NCALD: variants seen among roughly 807,000 people sequenced by gnomAD.
NCALD encodes neurocalcin delta.
Under a neutral mutation model 18.6 loss-of-function variants are expected in NCALD, and 10 were observed. That is an observed-to-expected ratio of 0.54 (90% CI 0.33 to 0.91). NCALD has a LOEUF of 0.91. Among genes scored for constraint, NCALD ranks in the 40% least tolerant of loss-of-function variants. The probability of loss-of-function intolerance (pLI) is 0.03; values close to 1 mark genes in which losing one functional copy is unlikely to be tolerated. For missense variants in NCALD, 184 were observed against 247.6 expected (o/e 0.74, Z 1.72); for synonymous variants, 88 against 87.4 (o/e 1.01, Z -0.04).
chr8:101,980,665 A>G (rs1820587089), intron 2 of NCALD, among the ~76,000 whole-genome samples: 1 of 152,188 alleles, frequency 6.6e-6, no homozygotes, highest in Non-Finnish European at 1.5e-5. Context: ...CTCTACAAGG[A>G]AAGAATTCAA....
intron 4 of NCALD, among the ~76,000 whole-genome samples, chr8:101,804,691 A>T (rs1462877714): frequency 9.9e-5 from 6 of 60,552 alleles, no homozygotes; most frequent in Non-Finnish European, 2.5e-4. Context: ...ATAAATTAAT[A>T]CCTAATTATA....
intron 3 of NCALD, among the ~76,000 whole-genome samples, chr8:101,907,807 A>G (rs1817660017): frequency 6.6e-6 from 1 of 152,226 alleles, no homozygotes; most frequent in South Asian, 2.1e-4. Flanking sequence ...GTCTGGTATT[A>G]CATTTCTGTA....
chr8:101,747,540 A>T (rs560628729), intron 1 of NCALD, among the ~76,000 whole-genome samples: 2 of 152,268 alleles, frequency 1.3e-5, no homozygotes, highest in African/African-American at 4.8e-5. Flanking sequence ...CAGTAGTGTG[A>T]GATAGAGAAT....
intron 1 of NCALD, among the ~76,000 whole-genome samples, chr8:101,773,842 G>A (rs1009864493): frequency 6.6e-6 from 1 of 152,146 alleles, no homozygotes; most frequent in Non-Finnish European, 1.5e-5. Flanking sequence ...AGAGTGAAGA[G>A]GTTTAAGAAT....
At chr8:101,753,450 C>T (rs1810742987) in intron 1 of NCALD, among the ~76,000 whole-genome samples, 1 of 152,190 alleles carries the variant, frequency 6.6e-6, no homozygotes. Flanking sequence ...TTCCTGTTAA[C>T]AAAAACTTGA....
intron 2 of NCALD, among the ~76,000 whole-genome samples, chr8:101,935,649 G>A (rs192477878): frequency 1.3e-4 from 20 of 152,212 alleles, no homozygotes; most frequent in Admixed American, 1.2e-3. Context: ...GTGGAGCAGT[G>A]GGGAGGTAAT....
chr8:102,078,374 C>G (rs1363143824), intron 1 of NCALD, among the ~76,000 whole-genome samples: 1 of 152,198 alleles, frequency 6.6e-6, no homozygotes, highest in East Asian at 1.9e-4. Flanking sequence ...ATTTTTCACA[C>G]AGCCACCACA....
At chr8:101,953,429 G>A (rs954110824) in intron 2 of NCALD, among the ~76,000 whole-genome samples, 1 of 152,224 alleles carries the variant, frequency 6.6e-6, no homozygotes, top group African/African-American at 2.4e-5. Flanking sequence ...CCAATCTGGA[G>A]AGACATTAAG....
chr8:101,963,148 C>T (rs1160368004), intron 2 of NCALD, among the ~76,000 whole-genome samples: 2 of 151,460 alleles, frequency 1.3e-5, no homozygotes, highest in Non-Finnish European at 2.9e-5. Flanking sequence ...TACTCTAACA[C>T]ATCACTGAAA....
At chr8:102,093,496 A>T (rs939978879) in intron 1 of NCALD, among the ~76,000 whole-genome samples, 6 of 152,216 alleles carry the variant, frequency 3.9e-5, no homozygotes. Context: ...TGGTAAGATT[A>T]AAAAACAAAT....
At chr8:101,797,507 G>C (rs1390056846) in intron 4 of NCALD, among the ~76,000 whole-genome samples, 1 of 152,108 alleles carries the variant, frequency 6.6e-6, no homozygotes. Flanking sequence ...TATATATACA[G>C]AGAAAATGTT....
chr8:102,028,028 C>G (rs6468809), intron 1 of NCALD, among the ~76,000 whole-genome samples: 23,720 of 152,106 alleles, frequency 0.16, 2,488 homozygotes, highest in African/African-American at 0.29. Context: ...GGATCCCAAA[C>G]AAGTTTGAGG....
At chr8:101,965,544 C>T (rs1819991472) in intron 2 of NCALD, among the ~76,000 whole-genome samples, 2 of 152,048 alleles carry the variant, frequency 1.3e-5, no homozygotes, top group East Asian at 1.9e-4. Flanking sequence ...TGTTCTCACT[C>T]ATAAGTGGGA....
At chr8:101,955,748 A>C (rs1474499195) in intron 2 of NCALD, among the ~76,000 whole-genome samples, 1 of 152,242 alleles carries the variant, frequency 6.6e-6, no homozygotes, top group Non-Finnish European at 1.5e-5. Context: ...CAGTGTTTTC[A>C]AACATAACTG....
chr8:101,867,657 G>A (rs1330849516), intron 4 of NCALD, among the ~76,000 whole-genome samples: 1 of 152,090 alleles, frequency 6.6e-6, no homozygotes, highest in Non-Finnish European at 1.5e-5. Context: ...CATGGAAAAG[G>A]GTTTATACAA....
intron 2 of NCALD, among the ~76,000 whole-genome samples, chr8:101,983,571 A>G (rs1392613867): frequency 6.6e-6 from 1 of 152,252 alleles, no homozygotes; most frequent in African/African-American, 2.4e-5. Flanking sequence ...TGAAACAAAC[A>G]TTAACTAACC....
intron 2 of NCALD, among the ~76,000 whole-genome samples, chr8:101,955,228 C>T (rs1340620499): frequency 6.6e-6 from 1 of 152,186 alleles, no homozygotes; most frequent in East Asian, 1.9e-4. Context: ...AGTCCCTAGA[C>T]CTAGTTTTAT....
intron 4 of NCALD, among the ~76,000 whole-genome samples, chr8:101,821,906 A>G (rs1813736514): frequency 9.9e-6 from 1 of 100,796 alleles, no homozygotes; most frequent in South Asian, 3.4e-4. Flanking sequence ...AAAAAAAAAA[A>G]ATGTAATTTT....
intron 4 of NCALD, among the ~76,000 whole-genome samples, chr8:101,853,590 C>T (rs893466137): frequency 6.6e-6 from 1 of 152,146 alleles, no homozygotes; most frequent in African/African-American, 2.4e-5. Context: ...GAAAATGGTT[C>T]TCCCTGTGGA....
Sources: gnomAD v4.1 joint callset for allele counts (sites outside exome capture counted in the v4.1 genomes callset) on GRCh38, gnomAD v4.1.1 for gene constraint, MANE v1.5 for transcripts, NCBI Gene and HGNC (gene_info 2026-07-23, HGNC 2026-07-21) for gene names.